The following CNTNAP3B variants were observed in gnomAD, a reference collection of about 807,000 sequenced individuals.
CNTNAP3B encodes the protein contactin associated protein family member 3B.
A neutral mutation model predicts 108.9 loss-of-function variants in CNTNAP3B; 25 were observed. The ratio of observed to expected loss-of-function variants is 0.23; its 90% confidence interval spans 0.17 to 0.32. The LOEUF (loss-of-function observed/expected upper bound fraction) is 0.32. Ranked by LOEUF, CNTNAP3B falls within the 10% of genes least tolerant of loss-of-function variation. The pLI is 1.00. For missense variants in CNTNAP3B, 252 were observed against 1,210.4 expected, an observed-to-expected ratio of 0.21 and a Z score of 11.75; for synonymous variants, 103 against 473.4, an observed-to-expected ratio of 0.22 and a Z score of 10.16.
intron 2 of CNTNAP3B, among the ~76,000 whole-genome samples, chr9:42,098,831 G>T (rs1159486190): frequency 7.7e-6 from 1 of 130,582 alleles, no homozygotes; most frequent in Non-Finnish European, 1.6e-5. Flanking sequence ...GAAAGAAAGT[G>T]TGTATCCACT....
At chr9:42,086,671 C>G (rs1294192705) in intron 2 of CNTNAP3B, among the ~76,000 whole-genome samples, 111 of 103,172 alleles carry the variant, frequency 1.1e-3, no homozygotes, top group African/African-American at 4.7e-3. Context: ...TCTCAAACTC[C>G]TGACCTCAAG....
chr9:42,127,133 G>T (rs2118763082), intron 1 of CNTNAP3B, among the ~76,000 whole-genome samples: 1 of 138,560 alleles, frequency 7.2e-6, no homozygotes, highest in African/African-American at 2.9e-5. Context: ...TAGATATGAG[G>T]ATACTAAGTT....
chr9:42,110,967 T>C lies in CNTNAP3B; in HGVS notation c.86-6228A>G, dbSNP rs548387755. 2.1e-5 allele frequency among the ~76,000 whole-genome samples: 3 copies of C among 139,946 alleles called. 1 individual carries two copies. The South Asian group carries it at 6.9e-4, about 32-fold the overall frequency. 91.8% of individuals were successfully genotyped at this position (139,946 alleles called of 152,430 possible). ...TGGTCAATGTAAAAATCTACTGTTT[T>C]CCATATAAAAACTTCTGTTTTACAT... is the stretch of plus-strand genomic sequence containing the variant. On this transcript the variant is annotated intron_variant, in intron 1 of 23. Coordinates refer to ENST00000377561, the MANE Select transcript of CNTNAP3B (RefSeq NM_001201380.3).
At chr9:41,942,102 G>A (rs1043221998) in intron 13 of CNTNAP3B, among the ~76,000 whole-genome samples, 1 of 152,414 alleles carries the variant, frequency 6.6e-6, no homozygotes, top group African/African-American at 2.4e-5. Context: ...CAAGGGAAGG[G>A]GAAGGAAGCT....
intron 1 of CNTNAP3B, among the ~76,000 whole-genome samples, chr9:42,113,048 C>A (rs1453461036): frequency 7.5e-6 from 1 of 134,024 alleles, no homozygotes; most frequent in Admixed American, 7.5e-5. Flanking sequence ...AGCCACCATG[C>A]CCGGTCAAGT....
intron 18 of CNTNAP3B, among the ~76,000 whole-genome samples, chr9:41,915,661 T>G (rs1295798273): frequency 6.9e-6 from 1 of 145,146 alleles, no homozygotes. Context: ...CCTAGTTTAT[T>G]GAGTGTTTTT....
chr9:42,109,527 G>A (rs1335891525), intron 1 of CNTNAP3B, among the ~76,000 whole-genome samples: 35 of 147,518 alleles, frequency 2.4e-4, no homozygotes, highest in Non-Finnish European at 3.4e-4. Flanking sequence ...AAGGAGGGGC[G>A]ACAACTGATC....
chr9:42,118,525 C>G (rs1828376059), intron 1 of CNTNAP3B, among the ~76,000 whole-genome samples: 1 of 132,640 alleles, frequency 7.5e-6, no homozygotes, highest in East Asian at 2.4e-4. Context: ...TGGCACCTAT[C>G]TCAAAATAAT....
Position 42,012,824 on chromosome 9 carries a change from G to A in CNTNAP3B, c.538+554C>T, listed in dbSNP as rs1425596982. 3.2e-5 allele frequency among the ~76,000 whole-genome samples: 3 copies of A among 92,936 alleles called. 1 individual carries two copies. The highest frequency in any genetic ancestry group is 8.2e-5 in the African/African-American group (2 of 24,334). The allele number at this position is 92,936 out of a possible 152,430, so 61.0% of individuals were successfully genotyped here. ...TTTTTGTTTGTGTTATATTCATGTC[G>A]GCCCCATCCTTTCCACTTTTATAAC... On this transcript the variant is annotated intron_variant, in intron 4 of 23. Coordinates refer to ENST00000377561, the MANE Select transcript of CNTNAP3B (RefSeq NM_001201380.3).
At chr9:42,026,314 C>T (rs1229751576) in intron 3 of CNTNAP3B, among the ~76,000 whole-genome samples, 3 of 41,330 alleles carry the variant, frequency 7.3e-5, no homozygotes, top group African/African-American at 3.0e-4. Context: ...GAGTCTTTCT[C>T]GGCCGGGCAC....
chr9:41,930,835 CT>C (rs1295411838), intron 14 of CNTNAP3B, among the ~76,000 whole-genome samples: 1 of 152,192 alleles, frequency 6.6e-6, no homozygotes, highest in Non-Finnish European at 1.5e-5. Flanking sequence ...CATTTGTCTA[CT>C]CTGCTGCAAA....
chr9:42,121,719 G>C (rs1225101841), intron 1 of CNTNAP3B, among the ~76,000 whole-genome samples: 1 of 139,724 alleles, frequency 7.2e-6, no homozygotes, highest in Non-Finnish European at 1.5e-5. Flanking sequence ...TTTTTATATT[G>C]CAATGTTTGC....
rs758329670 is a variant in CNTNAP3B at position 42,127,738 on chromosome 9, G to C, written c.85+1272C>G. Among the ~76,000 whole-genome samples the C allele has an allele frequency of 4.3e-5, 6 of 139,072 alleles. 1 individual carries two copies. The highest frequency in any genetic ancestry group is 3.6e-4 in the Admixed American group (5 of 13,998). 91.2% of individuals were successfully genotyped at this position (139,072 alleles called of 152,430 possible). On this transcript the variant is annotated intron_variant, in intron 1 of 23. Transcript: ENST00000377561. ...AAAGCAATCCGGAGCTTGTTTTTTC[G>C]AAGGGCACACCAAGTGTAGGATTAA...
At chr9:42,066,546 C>T (rs1827268882) in intron 3 of CNTNAP3B, among the ~76,000 whole-genome samples, 1 of 123,412 alleles carries the variant, frequency 8.1e-6, no homozygotes, top group South Asian at 2.7e-4. Context: ...CCTGACTCAG[C>T]CTTCCGAGTA....
At chr9:41,949,728 A>C (rs1243679261) in intron 13 of CNTNAP3B, among the ~76,000 whole-genome samples, 1 of 152,188 alleles carries the variant, frequency 6.6e-6, no homozygotes, top group East Asian at 1.9e-4. Flanking sequence ...TGTGTCCCAA[A>C]ATAGGGCATG....
At position 42,079,631 on chromosome 9, in the gene CNTNAP3B, C is replaced by T. The variant is rs1445126523; in HGVS notation, c.197-2569G>A. The stretch of plus-strand genomic sequence containing the variant: ...CCAACTCCCTGGTTCAAGCAATTCT[C>T]CTGCCTCAGCCACCCAAGTAGCCGG... On this transcript the variant is annotated intron_variant, in intron 2 of 23. Transcript: ENST00000377561. Among the ~76,000 whole-genome samples, 7 of 135,220 alleles carry T rather than the reference C, an allele frequency of 5.2e-5. 3 individuals carry two copies. The highest frequency in any genetic ancestry group is 1.5e-4 in the African/African-American group (5 of 33,532). The allele number at this position is 135,220 out of a possible 152,430, so 88.7% of individuals were successfully genotyped here.
chr9:41,966,440 G>C (rs1389908977), intron 10 of CNTNAP3B, among the ~76,000 whole-genome samples: 2 of 152,284 alleles, frequency 1.3e-5, no homozygotes, highest in Non-Finnish European at 2.9e-5. Context: ...ACAAATAATA[G>C]AGGAAGTAGC....
chr9:41,966,733 T>C (rs1337051687), intron 10 of CNTNAP3B, among the ~76,000 whole-genome samples: 2 of 152,212 alleles, frequency 1.3e-5, no homozygotes, highest in African/African-American at 4.8e-5. Flanking sequence ...TTTGGGAGGC[T>C]GACGCGGGTG....
At chr9:41,967,270 C>G (rs1357982138) in intron 10 of CNTNAP3B, among the ~76,000 whole-genome samples, 1 of 152,278 alleles carries the variant, frequency 6.6e-6, no homozygotes, top group Admixed American at 6.5e-5. Flanking sequence ...CTGAATCATG[C>G]AGGCAGATCT....
Sources: gnomAD v4.1 joint callset for allele counts (sites outside exome capture counted in the v4.1 genomes callset) on GRCh38, gnomAD v4.1.1 for gene constraint, MANE v1.5 for transcripts, NCBI Gene and HGNC (gene_info 2026-07-23, HGNC 2026-07-21) for gene names.